The following FSTL5 variants were observed in gnomAD, a reference collection of about 807,000 sequenced individuals.
FSTL5 encodes the protein follistatin like 5, also known as follistatin-related protein 5.
A neutral mutation model predicts 89.1 loss-of-function variants in FSTL5; 62 were observed. That is an observed-to-expected ratio of 0.70 (90% CI 0.57 to 0.86). The LOEUF is 0.86. Ranked by LOEUF, FSTL5 falls within the 40% of genes least tolerant of loss-of-function variation. FSTL5 has a pLI of 0.00. For missense variants in FSTL5, 1,057 were observed against 1,001.6 expected, an observed-to-expected ratio of 1.06 and a Z score of -0.75; for synonymous variants, 383 against 346.2, an observed-to-expected ratio of 1.11 and a Z score of -1.18.
intron 12 of FSTL5, among the ~76,000 whole-genome samples, chr4:161,496,139 A>G (rs1371965208): frequency 6.6e-6 from 1 of 152,190 alleles, no homozygotes; most frequent in Non-Finnish European, 1.5e-5. Flanking sequence ...AGAATGCATA[A>G]AACGATGAAT....
intron 15 of FSTL5, among the ~76,000 whole-genome samples, chr4:161,430,032 A>C (rs1415063075): frequency 6.6e-6 from 1 of 152,082 alleles, no homozygotes; most frequent in Non-Finnish European, 1.5e-5. Flanking sequence ...GGTAAATTTA[A>C]CAAAGAGATT....
At chr4:161,442,342 C>A (rs945875532) in intron 15 of FSTL5, among the ~76,000 whole-genome samples, 1 of 151,804 alleles carries the variant, frequency 6.6e-6, no homozygotes, top group Non-Finnish European at 1.5e-5. Flanking sequence ...AACCAGTGGC[C>A]CCATCAATAA....
chr4:162,157,683 A>G (rs1733535209), intron 1 of FSTL5, among the ~76,000 whole-genome samples: 1 of 152,172 alleles, frequency 6.6e-6, no homozygotes, highest in African/African-American at 2.4e-5. Flanking sequence ...TACGCTTTCC[A>G]CTTTAAAGTT....
chr4:162,021,224 T>A (rs1221840343), intron 3 of FSTL5, among the ~76,000 whole-genome samples: 2 of 152,166 alleles, frequency 1.3e-5, no homozygotes, highest in Non-Finnish European at 2.9e-5. Flanking sequence ...ATAAGCATTT[T>A]TTTATATATA....
intron 5 of FSTL5, among the ~76,000 whole-genome samples, chr4:161,774,642 C>T (rs879290302): frequency 1.1e-4 from 16 of 149,404 alleles, no homozygotes; most frequent in Non-Finnish European, 2.2e-4. Context: ...ACAAAAACAA[C>T]AAAACAATTG....
chr4:161,428,915 A>G (rs2126334224), intron 15 of FSTL5, among the ~76,000 whole-genome samples: 1 of 152,136 alleles, frequency 6.6e-6, no homozygotes, highest in African/African-American at 2.4e-5. Context: ...CAGAGTACCA[A>G]GCAGGCTCTT....
chr4:161,876,751 G>C (rs1361112588), intron 4 of FSTL5, among the ~76,000 whole-genome samples: 1 of 151,580 alleles, frequency 6.6e-6, no homozygotes, highest in Admixed American at 6.6e-5. Context: ...TTTAAAAAAA[G>C]AGAAAAATAT....
intron 8 of FSTL5, among the ~76,000 whole-genome samples, chr4:161,562,182 A>G (rs1732628992): frequency 6.6e-6 from 1 of 151,872 alleles, no homozygotes; most frequent in Admixed American, 6.6e-5. Context: ...GTTTTGTTCT[A>G]TTGATCTATG....
intron 6 of FSTL5, among the ~76,000 whole-genome samples, chr4:161,745,312 T>G (rs1740160430): frequency 6.6e-6 from 1 of 152,104 alleles, no homozygotes. Context: ...TGATCTCATA[T>G]AAAAATCTTT....
intron 3 of FSTL5, among the ~76,000 whole-genome samples, chr4:161,934,609 T>C (rs1734382641): frequency 6.6e-6 from 1 of 150,852 alleles, no homozygotes; most frequent in African/African-American, 2.4e-5. Flanking sequence ...TTTTAGAATT[T>C]TGTGGGGTTT....
At chr4:161,888,599 T>C (rs1270700230) in intron 4 of FSTL5, among the ~76,000 whole-genome samples, 1 of 152,164 alleles carries the variant, frequency 6.6e-6, no homozygotes, top group Non-Finnish European at 1.5e-5. Flanking sequence ...ACTGACATTT[T>C]CATTAATGCA....
intron 12 of FSTL5, among the ~76,000 whole-genome samples, chr4:161,498,318 T>C (rs1271592998): frequency 6.6e-6 from 1 of 152,128 alleles, no homozygotes; most frequent in Non-Finnish European, 1.5e-5. Context: ...ATCAAATTTT[T>C]GCTTGTTTTT....
chr4:162,111,470 G>T, intron 1 of FSTL5, 58 bp from the exon 2 acceptor site: 1 of 1,301,120 alleles, frequency 7.7e-7, no homozygotes, highest in Non-Finnish European at 1.1e-6. Flanking sequence ...TAAAAAACAT[G>T]TATCATGAAA....
chr4:161,928,248 C>T (rs1578867838), intron 3 of FSTL5, among the ~76,000 whole-genome samples: 1 of 151,784 alleles, frequency 6.6e-6, no homozygotes, highest in Non-Finnish European at 1.5e-5. Flanking sequence ...GCTCATTTCT[C>T]TTAACTGCTG....
chr4:162,129,268 GT>G (rs945091994), intron 1 of FSTL5, among the ~76,000 whole-genome samples: 5 of 152,056 alleles, frequency 3.3e-5, no homozygotes, highest in Admixed American at 2.6e-4. Context: ...TAACTCATTA[GT>G]TTTGTTCAAA....
intron 7 of FSTL5, among the ~76,000 whole-genome samples, chr4:161,613,253 C>T (rs113903372): frequency 8.8e-4 from 134 of 152,144 alleles, no homozygotes; most frequent in African/African-American, 3.1e-3. Flanking sequence ...GAAATCGAGA[C>T]CATCCTGGCC....
At chr4:161,773,991 G>C (rs1233770194) in intron 5 of FSTL5, among the ~76,000 whole-genome samples, 1 of 152,166 alleles carries the variant, frequency 6.6e-6, no homozygotes, top group Admixed American at 6.5e-5. Context: ...GCCGGGCGTG[G>C]TGGCTCACGC....
At chr4:161,676,772 T>C (rs1374018006) in intron 6 of FSTL5, among the ~76,000 whole-genome samples, 9 of 143,292 alleles carry the variant, frequency 6.3e-5, no homozygotes, top group East Asian at 2.1e-4. Context: ...CACACACACA[T>C]ACACACAGAG....
intron 4 of FSTL5, among the ~76,000 whole-genome samples, chr4:161,829,139 TTA>T (rs56839306): frequency 0.022 from 3,083 of 139,902 alleles, 88 homozygotes; most frequent in African/African-American, 0.068. Context: ...CAGTCACATT[TTA>T]TATATATATA....
Sources: allele counts gnomAD v4.1 joint callset (sites outside exome capture counted in the v4.1 genomes callset), GRCh38; gene constraint gnomAD v4.1.1; transcripts MANE v1.5; gene names NCBI Gene and HGNC (gene_info 2026-07-23, HGNC 2026-07-21).